Variants in SARS1 observed in about 807,000 individuals in gnomAD.
The protein encoded by SARS1 is seryl-tRNA synthetase 1.
Under a neutral mutation model 63.7 loss-of-function variants are expected in SARS1, and 25 were observed. That is an observed-to-expected ratio of 0.39 (90% CI 0.29 to 0.55). The LOEUF (loss-of-function observed/expected upper bound fraction) is 0.55. SARS1 is among the 20% of genes least tolerant of loss of function. The pLI is 0.62. For synonymous variants in SARS1, 231 were observed against 243.5 expected, an observed-to-expected ratio of 0.95 and a Z score of 0.48; for missense variants, 417 against 649.7, an observed-to-expected ratio of 0.64 and a Z score of 3.89.
chr1:109,232,195 A>T (rs1027786693), intron 6 of SARS1, among the ~76,000 whole-genome samples: 7 of 152,064 alleles, frequency 4.6e-5, no homozygotes, highest in Admixed American at 1.3e-4. Context: ...CTAACCCCAG[A>T]CTGGAAGCTT....
chr1:109,229,814 C>G (rs971496929), intron 4 of SARS1, among the ~76,000 whole-genome samples: 2 of 152,200 alleles, frequency 1.3e-5, no homozygotes, highest in Non-Finnish European at 2.9e-5. Context: ...GGCTGCTGTC[C>G]TCCGCTGCAT....
Position 109,214,279 on chromosome 1 carries a change from A to C in SARS1, c.136+151A>C. The C allele has an allele frequency of 9.9e-7, 1 of 1,014,574 alleles. No homozygotes were observed. Among genetic ancestry groups the C allele is most frequent in the Non-Finnish European group, 1.4e-6 (1 of 710,156 alleles). The allele number at this position is 1,014,574 out of a possible 1,614,324, so 62.8% of individuals were successfully genotyped here. A position where few individuals can be genotyped will look rare whatever the true frequency, so the allele number is the denominator to read the frequency against. On this transcript the variant is annotated intron_variant, in intron 1 of 10. Coordinates refer to ENST00000234677, the MANE Select transcript of SARS1 (RefSeq NM_006513.4). This position sits in a 1 kb window ranked among gnomAD's most constrained non-coding sequence, Gnocchi z 4.6. ...TCCGAGGTTCTCCCCATCCCCGAAA[A>C]CACAGCCTGGTCGCCGGGGTCATCC...
intron 1 of SARS1, chr1:109,216,860 C>T (rs1475495506): frequency 2.1e-5 from 19 of 907,996 alleles, no homozygotes; most frequent in South Asian, 1.5e-4. Context: ...TGGCCTCAAG[C>T]GATCCTCCCA....
rs778972974 is a variant in SARS1 at position 109,238,002 on chromosome 1, C to T, written c.*114C>T. On this transcript the variant is annotated 3_prime_UTR_variant, in exon 11 of 11. Transcript: ENST00000234677. Reference sequence around the variant, plus strand: ...TCATCCCCCTGCCCCCATCTGACTGCGTAGCTGAGAGGGGAACAGTGCCAT... The same window carrying T: ...TCATCCCCCTGCCCCCATCTGACTGTGTAGCTGAGAGGGGAACAGTGCCAT... The T allele has an allele frequency of 1.0e-4, 122 of 1,198,760 alleles. No homozygotes were observed. The highest frequency in any genetic ancestry group is 1.3e-4 in the Non-Finnish European group (107 of 846,176). 74.3% of individuals were successfully genotyped at this position (1,198,760 alleles called of 1,614,324 possible). A position where few individuals can be genotyped will look rare whatever the true frequency, so the allele number is the denominator to read the frequency against.
At chr1:109,236,302 A>G (rs1655308446) in intron 8 of SARS1, 89 bp from the exon 9 acceptor site, 2 of 1,402,184 alleles carry the variant, frequency 1.4e-6, no homozygotes, top group African/African-American at 1.4e-5. Flanking sequence ...GAGACAGGAC[A>G]TGAATTAAAG....
At chr1:109,226,697 TACACACACACACACAC>T (rs369144830) in intron 2 of SARS1, among the ~76,000 whole-genome samples, 45 of 104,150 alleles carry the variant, frequency 4.3e-4, no homozygotes, top group African/African-American at 1.7e-3. Flanking sequence ...TATATATATA[TACACACACACACACAC>T]ACACACACAC....
At chr1:109,232,984 T>C (rs1655237770) in intron 6 of SARS1, among the ~76,000 whole-genome samples, 1 of 152,042 alleles carries the variant, frequency 6.6e-6, no homozygotes, top group Non-Finnish European at 1.5e-5. Context: ...GGCTGGCACT[T>C]CTTGTCTGAT....
At position 109,231,615 on chromosome 1, in the gene SARS1, G is replaced by C; in HGVS notation, c.592-16G>C. 2 of 1,482,592 alleles carry C rather than the reference G, an allele frequency of 1.3e-6. No homozygotes were observed. The highest frequency in any genetic ancestry group is 1.4e-5 in the African/African-American group (1 of 69,284). 91.8% of individuals were successfully genotyped at this position (1,482,592 alleles called of 1,614,324 possible). ...ACAAGACCCAATCACATAGTACTGT[G>C]TCTCTGCTCCTCTAGGGGGTCCTGG... On this transcript the variant is annotated splice_polypyrimidine_tract_variant and intron_variant, in intron 5 of 10. Coordinates refer to ENST00000234677, the MANE Select transcript of SARS1 (RefSeq NM_006513.4).
At chr1:109,218,674 C>G (rs1211700042) in intron 1 of SARS1, among the ~76,000 whole-genome samples, 1 of 152,138 alleles carries the variant, frequency 6.6e-6, no homozygotes, top group African/African-American at 2.4e-5. Context: ...ATTGCTACTC[C>G]TAGACTCTTT....
chr1:109,217,112 C>T, intron 1 of SARS1: 1 of 985,420 alleles, frequency 1.0e-6, no homozygotes, highest in Non-Finnish European at 1.2e-6. Context: ...CAGTGACATA[C>T]TTTAGAGCAG....
At position 109,214,297 on chromosome 1, in the gene SARS1, G is replaced by A. The variant is rs1219513645; in HGVS notation, c.136+169G>A. Reference sequence around the variant, plus strand: ...CCCGAAAACACAGCCTGGTCGCCGGGGTCATCCCACTTTCTCCTCCACCCG... The same window carrying A: ...CCCGAAAACACAGCCTGGTCGCCGGAGTCATCCCACTTTCTCCTCCACCCG... On this transcript the variant is annotated intron_variant, in intron 1 of 10. Coordinates refer to ENST00000234677, the MANE Select transcript of SARS1 (RefSeq NM_006513.4). The surrounding 1 kb of genome is among the most constrained non-coding windows in gnomAD (Gnocchi z 4.6). Among the ~76,000 whole-genome samples, 1 of 152,202 alleles carries A rather than the reference G, an allele frequency of 6.6e-6. No homozygotes were observed. Among genetic ancestry groups the A allele is most frequent in the African/African-American group, 2.4e-5 (1 of 41,460 alleles).
intron 2 of SARS1, among the ~76,000 whole-genome samples, chr1:109,227,133 T>C (rs894424328): frequency 9.2e-5 from 14 of 151,778 alleles, no homozygotes; most frequent in African/African-American, 9.7e-5. Flanking sequence ...TAGTTGGGAT[T>C]ACAGGTGTCT....
In SARS1 at chr1:109,236,530, CAAG is replaced by C; in HGVS notation, c.1244_1246del (p.Lys415del). The stretch of plus-strand genomic sequence containing the variant: ...GGCTTCGAATCCGATATGGGCAAAC[CAAG>C]AAGATGATGGACAAGGTAGATGGCC... On this transcript the variant is annotated inframe_deletion, in exon 9 of 11. Transcript: ENST00000234677. The C allele has an allele frequency of 6.2e-7, 1 of 1,603,986 alleles. No individual in the cohort carries two copies. The highest frequency in any genetic ancestry group is 8.5e-7 in the Non-Finnish European group (1 of 1,171,466).
rs140819278 is a variant in SARS1, at chr1:109,225,700, C to T, written c.207+1652C>T. ...TGATCCTTACTGCAGAGCTGGAGTGCAGATAGTACATTTGTCAGCCCTATT... is the reference window on the plus strand; with the variant it reads ...TGATCCTTACTGCAGAGCTGGAGTGTAGATAGTACATTTGTCAGCCCTATT... On this transcript the variant is annotated intron_variant, in intron 2 of 10. Coordinates refer to ENST00000234677, the MANE Select transcript of SARS1 (RefSeq NM_006513.4). Among the ~76,000 whole-genome samples the T allele has an allele frequency of 3.7e-4, 57 of 152,292 alleles. No homozygotes were observed. The East Asian group carries it at 8.7e-3, about 23-fold the overall frequency.
intron 4 of SARS1, among the ~76,000 whole-genome samples, 153 bp from the exon 5 acceptor site, chr1:109,230,725 A>C (rs1261355613): frequency 2.6e-5 from 4 of 151,974 alleles, no homozygotes; most frequent in Non-Finnish European, 4.4e-5. Flanking sequence ...GGATCACTGG[A>C]GCCTGGAAGG....
At chr1:109,215,190 T>C in intron 1 of SARS1, 1 of 985,456 alleles carries the variant, frequency 1.0e-6, no homozygotes. Context: ...CCCTCTATTG[T>C]AGTAGTTTGT....
intron 9 of SARS1, chr1:109,236,918 T>C (rs1163115977): frequency 2.6e-6 from 4 of 1,547,990 alleles, no homozygotes; most frequent in Non-Finnish European, 3.5e-6. Flanking sequence ...CAGGCCCTAC[T>C]CTTTTCCAAG....
At chr1:109,228,229 A>G (rs1655133584) in intron 2 of SARS1, 123 bp from the exon 3 acceptor site, 1 of 763,970 alleles carries the variant, frequency 1.3e-6, no homozygotes, top group African/African-American at 1.8e-5. Context: ...TATCTTTTAG[A>G]AAAATTTATG....
rs1482240988 is a variant in SARS1, at chr1:109,229,575, AGGT to A, written c.447+6_447+8del. The A allele has an allele frequency of 6.2e-7, 1 of 1,607,942 alleles. No individual in the cohort carries two copies. Among genetic ancestry groups the A allele is most frequent in the Non-Finnish European group, 8.5e-7 (1 of 1,176,746 alleles). ...CTGTACCCATCAGTAACGATGAGGT[AGGT>A]GGCTGTGCCGCAGCAGGAGGCTGCC... On this transcript the variant is annotated splice_donor_5th_base_variant and intron_variant, in intron 4 of 10. Transcript: ENST00000234677.
Sources: gnomAD v4.1 joint callset for allele counts (sites outside exome capture counted in the v4.1 genomes callset) on GRCh38, gnomAD v4.1.1 for gene constraint, Gnocchi (gnomAD v3.1) non-coding constraint, MANE v1.5 for transcripts, NCBI Gene and HGNC (gene_info 2026-07-23, HGNC 2026-07-21) for gene names.